The following OR10H5 variants were observed in gnomAD, a reference collection of about 807,000 sequenced individuals.
OR10H5 encodes olfactory receptor family 10 subfamily H member 5.
In OR10H5, 7 loss-of-function variants were observed where a neutral mutation model predicts 12.2. The ratio of observed to expected loss-of-function variants is 0.57; its 90% confidence interval spans 0.33 to 1.07. OR10H5 has a LOEUF of 1.07. Ranked by LOEUF, OR10H5 falls within the 50% of genes least tolerant of loss-of-function variation. OR10H5 has a pLI of 0.04. For missense variants in OR10H5, 346 were observed against 411.6 expected, an observed-to-expected ratio of 0.84 and a Z score of 1.38; for synonymous variants, 159 against 175.1, an observed-to-expected ratio of 0.91 and a Z score of 0.73.
intron 1 of OR10H5, among the ~76,000 whole-genome samples, chr19:15,789,770 T>TAGGA (rs1241759529): frequency 1.5e-5 from 2 of 132,364 alleles, no homozygotes. Context: ...CTCTTTTCTT[T>TAGGA]TTTTTCTTTT....
rs1293779464 is a variant in OR10H5, at chr19:15,796,584, A to G, written c.*1588A>G. ...AGCCTGGGCAACAAAGTGAAACCTTATCTCTACAAAAAAATTAAAAAATTA... is the reference window on the plus strand; with the variant it reads ...AGCCTGGGCAACAAAGTGAAACCTTGTCTCTACAAAAAAATTAAAAAATTA... On this transcript the variant is annotated 3_prime_UTR_variant, in exon 2 of 2. Transcript: ENST00000642092. 6.6e-6 allele frequency: 1 copy of G among 152,010 alleles called. No homozygotes were observed. Among genetic ancestry groups the G allele is most frequent in the Non-Finnish European group, 1.5e-5 (1 of 68,010 alleles). The allele number at this position is 152,010 out of a possible 1,614,324, so 9.4% of individuals were successfully genotyped here. A position where few individuals can be genotyped will look rare whatever the true frequency, so the allele number is the denominator to read the frequency against.
In OR10H5 at chr19:15,794,057, G is replaced by A. The variant is rs2144928644; in HGVS notation, c.9G>A (p.Gly3=). The part of the protein sequence containing the change: MQ[G]LNHTSVSEFI... ...AACTAGGGGTGGCCGCCATGCAGGG[G>A]CTAAACCACACCTCCGTGTCTGAAT... Residue 3 remains glycine (G), a synonymous_variant, in exon 2 of 2, where the codon GGG becomes GGA. Transcript: ENST00000642092. 1.2e-6 allele frequency: 2 copies of A among 1,612,812 alleles called. No homozygotes were observed. Among genetic ancestry groups the A allele is most frequent in the Middle Eastern group, 1.7e-4 (1 of 6,058 alleles).
At chr19:15,791,304 C>A (rs958301931) in intron 1 of OR10H5, among the ~76,000 whole-genome samples, 2 of 152,094 alleles carry the variant, frequency 1.3e-5, no homozygotes, top group African/African-American at 2.4e-5. Flanking sequence ...CGAGATCATG[C>A]CACTGCACTC....
chr19:15,793,907 A>C, intron 1 of OR10H5, 131 bp from the exon 2 acceptor site: 1 of 769,470 alleles, frequency 1.3e-6, no homozygotes, highest in Non-Finnish European at 2.1e-6. Context: ...TAAATAACAT[A>C]TTTTTGCACA....
chr19:15,792,039 A>T (rs1010836294), intron 1 of OR10H5, among the ~76,000 whole-genome samples: 1 of 143,672 alleles, frequency 7.0e-6, no homozygotes, highest in Non-Finnish European at 1.5e-5. Context: ...AAAAAAAAAA[A>T]TCCTCTCTTT....
At chr19:15,793,623 G>A (rs2088819391) in intron 1 of OR10H5, among the ~76,000 whole-genome samples, 1 of 152,074 alleles carries the variant, frequency 6.6e-6, no homozygotes, top group Non-Finnish European at 1.5e-5. Context: ...GCTCAAGACT[G>A]TAATCCCAAC....
At chr19:15,789,812 C>T (rs1367786403) in intron 1 of OR10H5, among the ~76,000 whole-genome samples, 3 of 138,266 alleles carry the variant, frequency 2.2e-5, no homozygotes, top group South Asian at 2.2e-4. Context: ...GACAGGGTCT[C>T]GCTCTGTCAC....
Position 15,794,807 on chromosome 19 carries a change from T to C in OR10H5, c.759T>C (p.Tyr253=), listed in dbSNP as rs777634407. Residue 253 remains tyrosine, a synonymous_variant, in exon 2 of 2, where the codon TAT becomes TAC. Transcript: ENST00000642092. ...ACCTCACTGTGGTGGTCGTGCACTATGGCTTTGCCTCCGTCATTTACCTGA... is the reference window on the plus strand; with the variant it reads ...ACCTCACTGTGGTGGTCGTGCACTACGGCTTTGCCTCCGTCATTTACCTGA... The part of the protein sequence containing the change: ...ASHLTVVVVH[Y]GFASVIYLKP... 13 of 1,614,056 alleles carry C rather than the reference T, an allele frequency of 8.1e-6. No homozygotes were observed. Among genetic ancestry groups the C allele is most frequent in the Non-Finnish European group, 1.1e-5 (13 of 1,180,032 alleles).
chr19:15,791,602 A>G (rs1245168009), intron 1 of OR10H5, among the ~76,000 whole-genome samples: 2 of 151,702 alleles, frequency 1.3e-5, no homozygotes, highest in Non-Finnish European at 2.9e-5. Context: ...ATTTATCATC[A>G]TGTCTCACTT....
intron 1 of OR10H5, among the ~76,000 whole-genome samples, chr19:15,792,778 T>C (rs2088815082): frequency 6.6e-6 from 1 of 152,130 alleles, no homozygotes; most frequent in African/African-American, 2.4e-5. Context: ...TAACCTTAAA[T>C]TCTTAAGTGT....
Position 15,794,084 on chromosome 19 carries a change from C to G in OR10H5, c.36C>G (p.Phe12Leu). Residue 12 changes from phenylalanine (F) to leucine (L), a missense_variant, in exon 2 of 2, where the codon TTC becomes TTG. Transcript: ENST00000642092. ...QGLNHTSVSE[F>L]ILVGFSAFPH... ...TAAACCACACCTCCGTGTCTGAATT[C>G]ATCCTCGTTGGCTTCTCTGCCTTCC... 1 of 1,613,962 alleles carries G rather than the reference C, an allele frequency of 6.2e-7. No individual in the cohort carries two copies. The highest frequency in any genetic ancestry group is 1.1e-5 in the South Asian group (1 of 91,056).
In OR10H5 at chr19:15,794,506, T is replaced by C. The variant is rs767786855; in HGVS notation, c.458T>C (p.Leu153Ser). 5.0e-6 allele frequency: 8 copies of C among 1,614,218 alleles called. No homozygotes were observed. In the South Asian group the frequency reaches 6.6e-5, roughly 13 times the overall value. Reference sequence around the variant, plus strand: ...GTGGGCTGCTCCTGGGCTGGTGGCTTGGTCATGGGGATGGTGGTGACCTCG... The same window carrying C: ...GTGGGCTGCTCCTGGGCTGGTGGCTCGGTCATGGGGATGGTGGTGACCTCG... The part of the protein sequence containing the change: ...CRVGCSWAGG[L>S]VMGMVVTSAI... The change falls in exon 2 of 2, where the codon TTG (leucine) becomes TCG (serine). Residue 153 changes from leucine (L) to serine (S), a missense_variant. Coordinates refer to ENST00000642092, the MANE Select transcript of OR10H5 (RefSeq NM_001004466.2).
intron 1 of OR10H5, among the ~76,000 whole-genome samples, chr19:15,790,003 T>C (rs1255281741): frequency 6.6e-6 from 1 of 152,076 alleles, no homozygotes; most frequent in African/African-American, 2.4e-5. Flanking sequence ...CCCAGGCTGG[T>C]CTCAAACTCC....
chr19:15,794,014 T>A, intron 1 of OR10H5, 24 bp from the exon 2 acceptor site: 1 of 1,580,894 alleles, frequency 6.3e-7, no homozygotes, highest in Non-Finnish European at 8.6e-7. Context: ...CCACTGGGTC[T>A]TCTTTCCTCT....
At chr19:15,787,783 A>C (rs1378848554) in intron 1 of OR10H5, 67 bp downstream of exon 1, 4 of 152,916 alleles carry the variant, frequency 2.6e-5, no homozygotes, top group Non-Finnish European at 5.8e-5. Flanking sequence ...TGGGAGGTGG[A>C]AGGGAGAAGG....
chr19:15,793,802 C>A (rs936281420), intron 1 of OR10H5: 3 of 453,650 alleles, frequency 6.6e-6, no homozygotes, highest in African/African-American at 2.0e-5. Context: ...TCACTTGAAC[C>A]CAGGAGGCAG....
chr19:15,791,441 T>TAC (rs35542150), intron 1 of OR10H5, among the ~76,000 whole-genome samples: 6,490 of 147,462 alleles, frequency 0.044, 161 homozygotes, highest in Middle Eastern at 0.07. Flanking sequence ...ATAGATACCA[T>TAC]ACACACACAC....
At chr19:15,789,907 G>C (rs2088802045) in intron 1 of OR10H5, among the ~76,000 whole-genome samples, 1 of 150,252 alleles carries the variant, frequency 6.7e-6, no homozygotes, top group Admixed American at 6.7e-5. Context: ...TCAGCCTCCT[G>C]AGTAGCTGGA....
chr19:15,790,279 T>C (rs2088803805), intron 1 of OR10H5, among the ~76,000 whole-genome samples: 1 of 151,860 alleles, frequency 6.6e-6, no homozygotes, highest in Non-Finnish European at 1.5e-5. Flanking sequence ...CCAATGTGAG[T>C]CACCTGGCAG....
Sources: gnomAD v4.1 joint callset for allele counts (sites outside exome capture counted in the v4.1 genomes callset) on GRCh38, gnomAD v4.1.1 for gene constraint, MANE v1.5 for transcripts, NCBI Gene and HGNC (gene_info 2026-07-23, HGNC 2026-07-21) for gene names.